Variants in DNER observed in about 807,000 individuals in gnomAD.
DNER encodes the protein delta/notch like EGF repeat containing, also known as delta and Notch-like epidermal growth factor-related receptor.
Under a neutral mutation model 78.2 loss-of-function variants are expected in DNER, and 33 were observed. The observed-to-expected ratio is 0.42, with a 90% CI of 0.32 to 0.56. The LOEUF is 0.56. Ranked by LOEUF, DNER falls within the 20% of genes least tolerant of loss-of-function variation. The probability of loss-of-function intolerance (pLI) is 0.11; values close to 1 mark genes in which losing one functional copy is unlikely to be tolerated. For missense variants in DNER, 918 were observed against 975.3 expected, an observed-to-expected ratio of 0.94 and a Z score of 0.78; for synonymous variants, 417 against 384.8, an observed-to-expected ratio of 1.08 and a Z score of -0.98.
intron 1 of DNER, among the ~76,000 whole-genome samples, chr2:229,596,805 G>A (rs1261226489): frequency 6.6e-6 from 1 of 152,254 alleles, no homozygotes; most frequent in Non-Finnish European, 1.5e-5. Context: ...CGGAAGGCCA[G>A]GAGAAACACT....
chr2:229,671,151 C>G (rs1699200264), intron 1 of DNER, among the ~76,000 whole-genome samples: 1 of 152,226 alleles, frequency 6.6e-6, no homozygotes, highest in East Asian at 1.9e-4. Flanking sequence ...GTTCCTGTAT[C>G]TGGCACCAAC....
chr2:229,452,282 C>T (rs1004903250), intron 7 of DNER, among the ~76,000 whole-genome samples: 3 of 152,110 alleles, frequency 2.0e-5, no homozygotes, highest in Non-Finnish European at 4.4e-5. Context: ...TATATTAGAG[C>T]ATGATTTTAT....
intron 1 of DNER, among the ~76,000 whole-genome samples, chr2:229,703,922 G>GA (rs3085663): frequency 2.1e-5 from 3 of 143,692 alleles, no homozygotes; most frequent in African/African-American, 5.2e-5. Context: ...GAGAGAAAAA[G>GA]AAAAAAAAAA....
chr2:229,457,582 C>A (rs1694603405), intron 7 of DNER, among the ~76,000 whole-genome samples: 1 of 151,778 alleles, frequency 6.6e-6, no homozygotes, highest in African/African-American at 2.4e-5. Context: ...AAAATAGTAT[C>A]TTTTTAAATA....
chr2:229,433,831 C>A (rs140475357), intron 8 of DNER, among the ~76,000 whole-genome samples: 4 of 152,280 alleles, frequency 2.6e-5, no homozygotes, highest in Admixed American at 6.5e-5. Context: ...ATATACTAGA[C>A]ATTTGTGAAT....
intron 12 of DNER, 145 bp from the exon 13 acceptor site, chr2:229,358,796 C>T (rs1692148535): frequency 3.1e-6 from 2 of 643,260 alleles, no homozygotes; most frequent in South Asian, 2.6e-5. Context: ...TTTAGACATC[C>T]TAATATTAAC....
intron 10 of DNER, among the ~76,000 whole-genome samples, chr2:229,401,485 G>T (rs1314092282): frequency 6.6e-6 from 1 of 151,944 alleles, no homozygotes; most frequent in Admixed American, 6.6e-5. Context: ...TTGGAATACT[G>T]CTCAGCAATA....
chr2:229,498,393 T>C (rs1310937847), intron 6 of DNER, among the ~76,000 whole-genome samples: 2 of 152,272 alleles, frequency 1.3e-5, no homozygotes, highest in South Asian at 4.1e-4. Flanking sequence ...ACCACTTCTA[T>C]TGAACATATA....
chr2:229,375,682 T>C (rs1038265444), intron 11 of DNER, among the ~76,000 whole-genome samples: 2 of 152,212 alleles, frequency 1.3e-5, no homozygotes, highest in African/African-American at 4.8e-5. Flanking sequence ...AATCAAAATA[T>C]TAAATGCAAA....
intron 10 of DNER, among the ~76,000 whole-genome samples, chr2:229,393,218 A>T (rs572785243): frequency 6.6e-6 from 1 of 152,186 alleles, no homozygotes; most frequent in African/African-American, 2.4e-5. Flanking sequence ...ACCTGAGGTC[A>T]GGAGTTCGAG....
Position 229,470,331 on chromosome 2 carries a change from C to A in DNER, c.1261+6809G>T, listed in dbSNP as rs550501200. On this transcript the variant is annotated intron_variant, in intron 7 of 12. Transcript: ENST00000341772. ...GTCAGCACTAAAGTGGGCATCGGAACCATTTTCAAAGGGGAAAGAAAGCTA... is the reference window on the plus strand; with the variant it reads ...GTCAGCACTAAAGTGGGCATCGGAAACATTTTCAAAGGGGAAAGAAAGCTA... 4.9e-4 allele frequency among the ~76,000 whole-genome samples: 74 copies of A among 152,206 alleles called. No homozygotes were observed. The Middle Eastern group carries it at 0.014, about 28-fold the overall frequency.
chr2:229,657,586 A>G (rs779350030), intron 1 of DNER, among the ~76,000 whole-genome samples: 24 of 152,252 alleles, frequency 1.6e-4, no homozygotes, highest in South Asian at 4.1e-4. Context: ...CAGATGTTTT[A>G]TCTTCATTAG....
At chr2:229,470,706 C>T (rs756461196) in intron 7 of DNER, among the ~76,000 whole-genome samples, 6 of 151,860 alleles carry the variant, frequency 4.0e-5, no homozygotes, top group Non-Finnish European at 8.8e-5. Flanking sequence ...AAAAATTAGC[C>T]GGGTGTGGTG....
At chr2:229,494,702 A>G (rs1695466593) in intron 6 of DNER, among the ~76,000 whole-genome samples, 1 of 152,172 alleles carries the variant, frequency 6.6e-6, no homozygotes, top group East Asian at 1.9e-4. Context: ...GTGGGATTAT[A>G]CCATCTCTGT....
chr2:229,682,496 C>T (rs1699402587), intron 1 of DNER, among the ~76,000 whole-genome samples: 1 of 152,178 alleles, frequency 6.6e-6, no homozygotes, highest in Non-Finnish European at 1.5e-5. Flanking sequence ...ATCAGCTAAG[C>T]AAATGGCATC....
chr2:229,414,608 AC>A (rs1693602646), intron 9 of DNER, among the ~76,000 whole-genome samples: 1 of 151,512 alleles, frequency 6.6e-6, no homozygotes, highest in Non-Finnish European at 1.5e-5. Context: ...TCCTATCCTC[AC>A]CCCCTTCAAC....
intron 9 of DNER, among the ~76,000 whole-genome samples, chr2:229,417,105 G>T (rs1693671282): frequency 6.6e-6 from 1 of 152,204 alleles, no homozygotes; most frequent in South Asian, 2.1e-4. Flanking sequence ...AGAAGCATCA[G>T]ATCTGTGGAA....
At chr2:229,396,317 T>G (rs149933545) in intron 10 of DNER, among the ~76,000 whole-genome samples, 1 of 152,220 alleles carries the variant, frequency 6.6e-6, no homozygotes, top group Non-Finnish European at 1.5e-5. Context: ...TTTAGTAATC[T>G]TTGGTAACTA....
intron 1 of DNER, among the ~76,000 whole-genome samples, chr2:229,665,551 TA>T (rs568582703): frequency 6.6e-6 from 1 of 152,130 alleles, no homozygotes; most frequent in East Asian, 1.9e-4. Flanking sequence ...AACAGTGTCA[TA>T]AAAAAACTAA....
Sources: allele counts gnomAD v4.1 joint callset (sites outside exome capture counted in the v4.1 genomes callset), GRCh38; gene constraint gnomAD v4.1.1; transcripts MANE v1.5; gene names NCBI Gene and HGNC (gene_info 2026-07-23, HGNC 2026-07-21).